TRAPPC6B: variants seen among roughly 807,000 people sequenced by gnomAD.
TRAPPC6B encodes the protein TRAPP complex subunit 6B.
In TRAPPC6B, 27 loss-of-function variants were observed where a neutral mutation model predicts 24.7. The observed-to-expected ratio is 1.09, with a 90% CI of 0.81 to 1.51. TRAPPC6B has a LOEUF of 1.51. Ranked by LOEUF, TRAPPC6B falls within the 40% of genes most tolerant of loss-of-function variation. The pLI, the probability that TRAPPC6B is intolerant of heterozygous loss-of-function variation, is 0.00. For synonymous variants in TRAPPC6B, 80 were observed against 66.6 expected (o/e 1.20, Z -0.98); for missense variants, 212 against 190.8 (o/e 1.11, Z -0.66).
intron 5 of TRAPPC6B, 71 bp downstream of exon 5, chr14:39,151,675 T>C (rs2052915582): frequency 8.7e-7 from 1 of 1,151,098 alleles, no homozygotes. Context: ...TCCTCTCAGT[T>C]AAATTAAAAA....
chr14:39,169,137 A>C (rs2053138331), intron 1 of TRAPPC6B, among the ~76,000 whole-genome samples: 1 of 152,212 alleles, frequency 6.6e-6, no homozygotes, highest in African/African-American at 2.4e-5. Flanking sequence ...CATTAAAGAA[A>C]GGGCTCCTGA....
intron 5 of TRAPPC6B, among the ~76,000 whole-genome samples, 158 bp from the exon 6 acceptor site, chr14:39,150,539 T>C (rs1428882865): frequency 6.6e-6 from 1 of 152,202 alleles, no homozygotes; most frequent in Non-Finnish European, 1.5e-5. Flanking sequence ...AAGTCAATTC[T>C]ATTTTTTCTT....
chr14:39,165,068 C>T (rs1164362573), intron 1 of TRAPPC6B, among the ~76,000 whole-genome samples: 2 of 144,858 alleles, frequency 1.4e-5, no homozygotes, highest in Non-Finnish European at 3.0e-5. Context: ...TTTTTTGAGA[C>T]GGAGTCTCGC....
At chr14:39,164,508 T>C (rs2053088837) in intron 1 of TRAPPC6B, among the ~76,000 whole-genome samples, 1 of 151,830 alleles carries the variant, frequency 6.6e-6, no homozygotes, top group South Asian at 2.1e-4. Context: ...AAAATCATGT[T>C]ATTCTCTACT....
At chr14:39,160,480 T>C (rs1161903310) in intron 1 of TRAPPC6B, among the ~76,000 whole-genome samples, 2 of 151,792 alleles carry the variant, frequency 1.3e-5, no homozygotes, top group East Asian at 3.9e-4. Context: ...TGCAGGTGGA[T>C]TGCTTGAGTC....
At chr14:39,167,534 G>A (rs1015312384) in intron 1 of TRAPPC6B, among the ~76,000 whole-genome samples, 1 of 151,968 alleles carries the variant, frequency 6.6e-6, no homozygotes, top group Non-Finnish European at 1.5e-5. Context: ...ATCACCTCTG[G>A]ATGACAGGAT....
At chr14:39,155,108 T>G (rs759261078) in intron 3 of TRAPPC6B, among the ~76,000 whole-genome samples, 6 of 151,590 alleles carry the variant, frequency 4.0e-5, no homozygotes, top group Non-Finnish European at 8.8e-5. Flanking sequence ...TTATTAATTT[T>G]TTGTAGAAAG....
chr14:39,157,242 C>G (rs2052993166), intron 3 of TRAPPC6B: 1 of 356,934 alleles, frequency 2.8e-6, no homozygotes, highest in African/African-American at 2.2e-5. Context: ...CCCGCTATAT[C>G]AGGTTGCAGT....
chr14:39,167,691 A>G (rs563609898), intron 1 of TRAPPC6B, among the ~76,000 whole-genome samples: 1 of 151,414 alleles, frequency 6.6e-6, no homozygotes, highest in South Asian at 2.1e-4. Flanking sequence ...ATTTTTGCTT[A>G]TTATGTACTT....
intron 5 of TRAPPC6B, 146 bp from the exon 6 acceptor site, chr14:39,150,527 TAA>T: frequency 1.6e-6 from 1 of 616,466 alleles, no homozygotes; most frequent in Non-Finnish European, 2.8e-6. Context: ...TAATATTCAA[TAA>T]AGTCAATTCT....
chr14:39,150,406 CTT>C, intron 5 of TRAPPC6B, 25 bp from the exon 6 acceptor site: 1 of 1,512,548 alleles, frequency 6.6e-7, no homozygotes, highest in Non-Finnish European at 9.0e-7. Context: ...ACAAATAATT[CTT>C]TGATTTTAGA....
At chr14:39,167,412 C>CA (rs1254020705) in intron 1 of TRAPPC6B, among the ~76,000 whole-genome samples, 4 of 148,182 alleles carry the variant, frequency 2.7e-5, no homozygotes, top group South Asian at 2.1e-4. Flanking sequence ...ATAACAAAAA[C>CA]AAAAAAAAAG....
Position 39,170,301 on chromosome 14 carries a change from G to C in TRAPPC6B, c.-206C>G, listed in dbSNP as rs908958451. ...GGTACTGGAGAGAGCCCACACTTCG[G>C]GGCTACCAAATCCTAGGGCCGAACT... On this transcript the variant is annotated 5_prime_UTR_variant, in exon 1 of 6. Transcript: ENST00000330149. 6.3e-5 allele frequency: 36 copies of C among 571,940 alleles called. 2 individuals carry two copies. The South Asian group carries it at 6.8e-4, about 11-fold the overall frequency. The allele number at this position is 571,940 out of a possible 1,614,324, so 35.4% of individuals were successfully genotyped here. A position where few individuals can be genotyped will look rare whatever the true frequency, so the allele number is the denominator to read the frequency against.
intron 3 of TRAPPC6B, chr14:39,157,554 G>T (rs1187800676): frequency 2.8e-5 from 11 of 396,930 alleles, no homozygotes; most frequent in Non-Finnish European, 4.9e-6. Flanking sequence ...ATCCCATCGA[G>T]GTGGCTGTCT....
chr14:39,167,611 AACCCT>A (rs2053121116), intron 1 of TRAPPC6B, among the ~76,000 whole-genome samples: 1 of 152,208 alleles, frequency 6.6e-6, no homozygotes, highest in Non-Finnish European at 1.5e-5. Flanking sequence ...CACTAATGTG[AACCCT>A]TATATACCCG....
Position 39,148,361 on chromosome 14 carries a change from CA to C in TRAPPC6B, c.*1988del, listed in dbSNP as rs1566543581. 3.5e-6 allele frequency: 1 copy of C among 284,438 alleles called. No individual in the cohort carries two copies. The highest frequency in any genetic ancestry group is 5.2e-5 in the Admixed American group (1 of 19,048). 17.6% of individuals were successfully genotyped at this position (284,438 alleles called of 1,614,324 possible). Reference sequence around the variant, plus strand: ...AGTAAGCCAATTACCATGATTGGCACAGAATCTAATCAACACTCACCCTCTC... The same window carrying C: ...AGTAAGCCAATTACCATGATTGGCACGAATCTAATCAACACTCACCCTCTC... On this transcript the variant is annotated 3_prime_UTR_variant, in exon 6 of 6. Transcript: ENST00000330149.
chr14:39,152,010 G>A (rs550584476), intron 4 of TRAPPC6B, among the ~76,000 whole-genome samples, 171 bp from the exon 5 acceptor site: 36 of 152,244 alleles, frequency 2.4e-4, no homozygotes, highest in African/African-American at 8.4e-4. Context: ...CCAGCTCCCT[G>A]GAAACTAAAG....
Position 39,157,446 on chromosome 14 carries a change from CA to C in TRAPPC6B, c.267+838del, listed in dbSNP as rs564257256. ...AAGCTGCAGGCAAAGGGGATGTCCC[CA>C]CTAAGAGACCACTTGTCCTCCGAGC... is the stretch of plus-strand genomic sequence containing the variant. On this transcript the variant is annotated intron_variant, in intron 3 of 5. Coordinates refer to ENST00000330149, the MANE Select transcript of TRAPPC6B (RefSeq NM_001079537.2). 85 of 342,730 alleles carry C rather than the reference CA, an allele frequency of 2.5e-4. 1 individual carries two copies. In the East Asian group the frequency reaches 7.4e-3, roughly 30 times the overall value. 21.2% of individuals were successfully genotyped at this position (342,730 alleles called of 1,614,324 possible). A position where few individuals can be genotyped will look rare whatever the true frequency, so the allele number is the denominator to read the frequency against.
chr14:39,159,579 C>A, intron 1 of TRAPPC6B, 29 bp from the exon 2 acceptor site: 3 of 1,506,800 alleles, frequency 2.0e-6, no homozygotes, highest in Non-Finnish European at 9.1e-7. Flanking sequence ...GTTTTAAATA[C>A]TTTTAGAATG....
Sources: allele counts gnomAD v4.1 joint callset (sites outside exome capture counted in the v4.1 genomes callset), GRCh38; gene constraint gnomAD v4.1.1; transcripts MANE v1.5; gene names NCBI Gene and HGNC (gene_info 2026-07-23, HGNC 2026-07-21).